Variants in DAB1 observed in about 807,000 individuals in gnomAD.
The protein encoded by DAB1 is disabled homolog 1.
DAB1 carries 15 observed loss-of-function variants against 64.6 expected under a neutral mutation model. The ratio of observed to expected loss-of-function variants is 0.23; its 90% CI spans 0.16 to 0.36. The LOEUF (loss-of-function observed/expected upper bound fraction) is 0.36. Ranked by LOEUF, DAB1 falls within the 10% of genes least tolerant of loss-of-function variation. DAB1 has a pLI of 1.00. For missense variants in DAB1, 596 were observed against 706.7 expected (o/e 0.84, Z 1.78); for synonymous variants, 235 against 251.9 (o/e 0.93, Z 0.64).
chr1:57,049,077 C>T (rs765225816), intron 9 of DAB1, among the ~76,000 whole-genome samples: 2 of 152,056 alleles, frequency 1.3e-5, no homozygotes, highest in South Asian at 2.1e-4. Flanking sequence ...AATGTGACAA[C>T]CCAAATGTGA....
At chr1:57,254,953 A>T (rs1236057258) in intron 2 of DAB1, among the ~76,000 whole-genome samples, 1 of 152,176 alleles carries the variant, frequency 6.6e-6, no homozygotes. Context: ...ATTAAAAAAA[A>T]TGGCATACAG....
At chr1:58,099,848 G>A (rs1191289783) in intron 5 of DAB1, among the ~76,000 whole-genome samples, 26 of 152,180 alleles carry the variant, frequency 1.7e-4, no homozygotes, top group Admixed American at 1.7e-3. Context: ...TCCAGGACGG[G>A]CTCAGTTTTG....
intron 4 of DAB1, among the ~76,000 whole-genome samples, chr1:58,200,891 C>G (rs1657959978): frequency 6.6e-6 from 1 of 152,166 alleles, no homozygotes; most frequent in Non-Finnish European, 1.5e-5. Context: ...TCATAACTAC[C>G]AACAGAGGCT....
At chr1:57,953,703 C>G (rs997765972) in intron 5 of DAB1, among the ~76,000 whole-genome samples, 8 of 152,136 alleles carry the variant, frequency 5.3e-5, no homozygotes, top group African/African-American at 1.9e-4. Context: ...ATTCTGAGTT[C>G]TAGTTGGAAC....
intron 3 of DAB1, among the ~76,000 whole-genome samples, chr1:58,453,448 T>C (rs1383328365): frequency 6.6e-6 from 1 of 152,228 alleles, no homozygotes; most frequent in Non-Finnish European, 1.5e-5. Flanking sequence ...TTGCTCACAC[T>C]GTCCCAACCT....
At chr1:57,353,525 T>C (rs1300392065) in intron 1 of DAB1, among the ~76,000 whole-genome samples, 1 of 152,216 alleles carries the variant, frequency 6.6e-6, no homozygotes, top group Non-Finnish European at 1.5e-5. Context: ...TCATTTGTGC[T>C]TGCCATGGCT....
intron 3 of DAB1, among the ~76,000 whole-genome samples, chr1:58,389,594 T>C (rs1181709109): frequency 1.3e-5 from 2 of 152,218 alleles, no homozygotes; most frequent in Non-Finnish European, 2.9e-5. Flanking sequence ...GGATAGATTA[T>C]TTCATCACTC....
chr1:57,157,260 G>C (rs545518908), intron 2 of DAB1, among the ~76,000 whole-genome samples: 1 of 152,084 alleles, frequency 6.6e-6, no homozygotes, highest in African/African-American at 2.4e-5. Context: ...ACTTTTGACA[G>C]TTACAATATT....
chr1:57,059,638 G>T (rs1239218686), intron 9 of DAB1, among the ~76,000 whole-genome samples: 1 of 152,090 alleles, frequency 6.6e-6, no homozygotes, highest in Non-Finnish European at 1.5e-5. Flanking sequence ...TCAGAGCAGG[G>T]AGGGGTGTGT....
At chr1:58,534,333 T>C (rs775610924) in intron 1 of DAB1, 3 of 837,854 alleles carry the variant, frequency 3.6e-6, no homozygotes, top group Non-Finnish European at 2.0e-6. Context: ...TTCCATCCAC[T>C]GAAAGATTAA....
At chr1:57,464,813 A>G (rs1686902316) in intron 7 of DAB1, among the ~76,000 whole-genome samples, 1 of 152,080 alleles carries the variant, frequency 6.6e-6, no homozygotes, top group South Asian at 2.1e-4. Context: ...TACTGCAGGG[A>G]ATTTCTCTTA....
chr1:58,118,375 T>C lies in DAB1; in HGVS notation n.387+32136A>G, dbSNP rs962156420. On this transcript the variant is annotated intron_variant and non_coding_transcript_variant, in intron 5 of 20. Coordinates refer to the DAB1 transcript ENST00000485760. ...GACTTGGGAGGTGGAGTTAAAACCA[T>C]CTCTCTATGCTTTGACTTCCTCATC... Among the ~76,000 whole-genome samples, 8 of 143,938 alleles carry C rather than the reference T, an allele frequency of 5.6e-5. No homozygotes were observed. In the East Asian group the frequency reaches 1.6e-3, roughly 30 times the overall value. The allele number at this position is 143,938 out of a possible 152,430, so 94.4% of individuals were successfully genotyped here.
At chr1:57,207,926 A>G (rs558454522) in intron 2 of DAB1, among the ~76,000 whole-genome samples, 1 of 152,326 alleles carries the variant, frequency 6.6e-6, no homozygotes, top group East Asian at 1.9e-4. Flanking sequence ...AAAAGTGTCT[A>G]TGAAGATCAA....
chr1:57,800,956 T>C (rs1651098078), intron 6 of DAB1, among the ~76,000 whole-genome samples: 1 of 152,216 alleles, frequency 6.6e-6, no homozygotes, highest in African/African-American at 2.4e-5. Context: ...ACTTATTCTA[T>C]GCCAAGCTTG....
chr1:57,531,805 A>T (rs1348178382), intron 7 of DAB1, among the ~76,000 whole-genome samples: 1 of 152,148 alleles, frequency 6.6e-6, no homozygotes, highest in Non-Finnish European at 1.5e-5. Flanking sequence ...CTGTGGTATA[A>T]ATAATCCCAC....
intron 6 of DAB1, among the ~76,000 whole-genome samples, chr1:57,765,986 C>T (rs1380943996): frequency 3.3e-5 from 5 of 151,950 alleles, no homozygotes; most frequent in Non-Finnish European, 7.4e-5. Flanking sequence ...AACCTCTAAA[C>T]GTGGAAGTTT....
At chr1:58,292,631 G>A (rs1376749262) in intron 4 of DAB1, among the ~76,000 whole-genome samples, 3 of 152,076 alleles carry the variant, frequency 2.0e-5, no homozygotes, top group Non-Finnish European at 4.4e-5. Flanking sequence ...CAGAGAGCAG[G>A]TGCATTTTCA....
At chr1:57,218,439 G>T (rs924973189) in intron 2 of DAB1, among the ~76,000 whole-genome samples, 3 of 148,136 alleles carry the variant, frequency 2.0e-5, no homozygotes, top group African/African-American at 7.7e-5. Context: ...CCAAACTTTG[G>T]GAAGCTGAGG....
chr1:58,088,284 A>G (rs1348357377), intron 5 of DAB1, among the ~76,000 whole-genome samples: 1 of 152,216 alleles, frequency 6.6e-6, no homozygotes, highest in African/African-American at 2.4e-5. Context: ...TATAGAGTAT[A>G]TTTTGAAAGA....
Sources: allele counts gnomAD v4.1 joint callset (sites outside exome capture counted in the v4.1 genomes callset), GRCh38; gene constraint gnomAD v4.1.1; transcripts MANE v1.5; gene names NCBI Gene and HGNC (gene_info 2026-07-23, HGNC 2026-07-21).